The following ITGA9 variants were observed in gnomAD, a reference collection of about 807,000 sequenced individuals.
The protein encoded by ITGA9 is integrin subunit alpha 9.
In ITGA9, 56 loss-of-function variants were observed where a neutral mutation model predicts 127.8. The observed-to-expected ratio is 0.44, with a 90% CI of 0.35 to 0.55. The LOEUF (loss-of-function observed/expected upper bound fraction) is 0.55. Ranked by LOEUF, ITGA9 falls within the 20% of genes least tolerant of loss-of-function variation. ITGA9 has a pLI of 0.00. For missense variants in ITGA9, 1,196 were observed against 1,347.1 expected, an observed-to-expected ratio of 0.89 and a Z score of 1.76; for synonymous variants, 508 against 514.5, an observed-to-expected ratio of 0.99 and a Z score of 0.17.
At chr3:37,775,895 A>C (rs1696901493) in intron 23 of ITGA9, among the ~76,000 whole-genome samples, 1 of 152,220 alleles carries the variant, frequency 6.6e-6, no homozygotes, top group Non-Finnish European at 1.5e-5. Flanking sequence ...TGTTCATTGC[A>C]GCACTGTTCA....
intron 17 of ITGA9, among the ~76,000 whole-genome samples, chr3:37,670,286 C>T (rs1700625232): frequency 6.6e-6 from 1 of 152,146 alleles, no homozygotes; most frequent in Non-Finnish European, 1.5e-5. Flanking sequence ...CCTTCAGAAA[C>T]ACCATGCTCA....
At chr3:37,464,116 AGTGTGTGTGTGTGTGTGTGTGT>A (rs10603611) in intron 1 of ITGA9, among the ~76,000 whole-genome samples, 2 of 144,170 alleles carry the variant, frequency 1.4e-5, no homozygotes, top group African/African-American at 5.1e-5. Flanking sequence ...AGAAGGTGTG[AGTGTGTGTGTGTGTGTGTGTGT>A]GTGTGTGTGT....
At chr3:37,659,051 T>A (rs980721687) in intron 17 of ITGA9, among the ~76,000 whole-genome samples, 11 of 152,218 alleles carry the variant, frequency 7.2e-5, no homozygotes, top group African/African-American at 2.7e-4. Flanking sequence ...GATTCACTGT[T>A]AGTCTGATGG....
intron 1 of ITGA9, among the ~76,000 whole-genome samples, chr3:37,460,163 T>C (rs954509537): frequency 5.3e-5 from 8 of 152,166 alleles, no homozygotes; most frequent in African/African-American, 1.9e-4. Flanking sequence ...AATCTCTGAA[T>C]TGGGGAAGGT....
intron 17 of ITGA9, among the ~76,000 whole-genome samples, chr3:37,656,375 G>A (rs1700477960): frequency 6.6e-6 from 1 of 152,152 alleles, no homozygotes; most frequent in Admixed American, 6.5e-5. Flanking sequence ...TCCTTGAGCA[G>A]TGGTTTGTAG....
At chr3:37,803,975 C>T in intron 27 of ITGA9, 33 bp downstream of exon 27, 1 of 1,613,686 alleles carries the variant, frequency 6.2e-7, no homozygotes, top group Non-Finnish European at 8.5e-7. Flanking sequence ...CCCCTGGGGT[C>T]CCCACTCATA....
At chr3:37,546,217 AT>A (rs1307298984) in intron 15 of ITGA9, among the ~76,000 whole-genome samples, 2 of 152,152 alleles carry the variant, frequency 1.3e-5, no homozygotes, top group Non-Finnish European at 2.9e-5. Context: ...TTCTAGCTGG[AT>A]TTCATTGTTT....
intron 22 of ITGA9, chr3:37,748,169 G>A: frequency 2.2e-6 from 1 of 464,060 alleles, no homozygotes. Flanking sequence ...AGGCTTTTTA[G>A]AAAACATGGA....
intron 4 of ITGA9, among the ~76,000 whole-genome samples, chr3:37,491,819 A>G (rs985359376): frequency 6.6e-6 from 1 of 152,252 alleles, no homozygotes; most frequent in Non-Finnish European, 1.5e-5. Context: ...AGGCTCGTAC[A>G]TGAACATTTA....
chr3:37,584,259 T>G (rs9857453), intron 15 of ITGA9, among the ~76,000 whole-genome samples: 97,741 of 152,048 alleles, frequency 0.64, 31,745 homozygotes, highest in East Asian at 0.74. Context: ...TGGCAAAAAT[T>G]CAAGAGGGGC....
At chr3:37,568,013 T>C (rs1228285983) in intron 15 of ITGA9, among the ~76,000 whole-genome samples, 1 of 152,230 alleles carries the variant, frequency 6.6e-6, no homozygotes, top group African/African-American at 2.4e-5. Context: ...GTGGAGGCTC[T>C]GACCCCACAT....
chr3:37,737,927 A>T (rs1472446125), intron 20 of ITGA9, among the ~76,000 whole-genome samples: 1 of 152,190 alleles, frequency 6.6e-6, no homozygotes, highest in East Asian at 1.9e-4. Flanking sequence ...TGCAGAAATC[A>T]TGCCTCTTGA....
intron 15 of ITGA9, among the ~76,000 whole-genome samples, chr3:37,555,008 GGT>G (rs1445975723): frequency 6.6e-6 from 1 of 152,134 alleles, no homozygotes; most frequent in Non-Finnish European, 1.5e-5. Context: ...GATCACCCAG[GGT>G]GTGAGGGGAG....
intron 15 of ITGA9, among the ~76,000 whole-genome samples, chr3:37,604,034 C>G (rs1699945611): frequency 6.6e-6 from 1 of 152,224 alleles, no homozygotes; most frequent in Non-Finnish European, 1.5e-5. Context: ...CTATTTTATC[C>G]AGGAAGCAGA....
intron 10 of ITGA9, among the ~76,000 whole-genome samples, chr3:37,518,253 G>A (rs936949453): frequency 1.3e-5 from 2 of 152,136 alleles, no homozygotes; most frequent in African/African-American, 4.8e-5. Context: ...GCATACAGAC[G>A]TCGGGAGGCA....
At chr3:37,505,914 T>G in intron 6 of ITGA9, 86 bp from the exon 7 acceptor site, 52 of 1,003,798 alleles carry the variant, frequency 5.2e-5, no homozygotes, top group Non-Finnish European at 6.8e-5. Flanking sequence ...GGAGCATGCT[T>G]GAGAAACATT....
At chr3:37,593,285 A>G (rs1317780711) in intron 15 of ITGA9, among the ~76,000 whole-genome samples, 1 of 152,140 alleles carries the variant, frequency 6.6e-6, no homozygotes, top group African/African-American at 2.4e-5. Context: ...TAGTTGTTAT[A>G]CTGTATTTTG....
At chr3:37,740,000 G>A (rs891486625) in intron 20 of ITGA9, among the ~76,000 whole-genome samples, 11 of 152,318 alleles carry the variant, frequency 7.2e-5, no homozygotes, top group Non-Finnish European at 1.5e-4. Flanking sequence ...AGGGACTGAT[G>A]TCACCCCATG....
chr3:37,609,926 G>A (rs539703350), intron 15 of ITGA9, among the ~76,000 whole-genome samples: 1 of 152,354 alleles, frequency 6.6e-6, no homozygotes, highest in East Asian at 1.9e-4. Context: ...TTGCAGAAGA[G>A]CATGTGGAGT....
Sources: allele counts gnomAD v4.1 joint callset (sites outside exome capture counted in the v4.1 genomes callset), GRCh38; gene constraint gnomAD v4.1.1; transcripts MANE v1.5; gene names NCBI Gene and HGNC (gene_info 2026-07-23, HGNC 2026-07-21).